Variants in PTPRD observed in about 807,000 individuals in gnomAD.
PTPRD encodes the protein receptor-type tyrosine-protein phosphatase delta.
PTPRD carries 34 observed loss-of-function variants against 214.5 expected under a neutral mutation model. That is an observed-to-expected ratio of 0.16 (90% CI 0.12 to 0.21). PTPRD has a LOEUF of 0.21. PTPRD is among the 10% of genes least tolerant of loss of function. The probability of loss-of-function intolerance (pLI) is 1.00; values close to 1 mark genes in which losing one functional copy is unlikely to be tolerated. For missense variants in PTPRD, 2,545 were observed against 2,398.7 expected (o/e 1.06, Z -1.27); for synonymous variants, 1,128 against 845.7 (o/e 1.33, Z -5.79).
chr9:9,911,023 G>C lies in PTPRD; in HGVS notation c.-368+27484C>G, dbSNP rs2079034751. ...TGTTTCATATCTGGATTTGTCTTTT[G>C]GCTAACTCCTTACAGTTGATAGTTT... On this transcript the variant is annotated intron_variant, in intron 5 of 45. Transcript: ENST00000381196. Among the ~76,000 whole-genome samples, 3 of 151,962 alleles carry C rather than the reference G, an allele frequency of 2.0e-5. No homozygotes were observed. The South Asian group carries it at 6.2e-4, about 32-fold the overall frequency.
intron 2 of PTPRD, among the ~76,000 whole-genome samples, chr9:10,574,927 C>A (rs908893150): frequency 2.0e-5 from 3 of 151,224 alleles, no homozygotes; most frequent in Non-Finnish European, 4.4e-5. Flanking sequence ...AGAAGACTTT[C>A]TAAAAGTATT....
chr9:9,931,277 C>G (rs2086415617), intron 5 of PTPRD, among the ~76,000 whole-genome samples: 1 of 152,176 alleles, frequency 6.6e-6, no homozygotes, highest in Non-Finnish European at 1.5e-5. Context: ...GTGAGCGACG[C>G]AGAAGACAGG....
Position 9,199,557 on chromosome 9 carries a change from G to C in PTPRD, c.-202-16194C>G, listed in dbSNP as rs192463252. Among the ~76,000 whole-genome samples, 126 of 152,218 alleles carry C rather than the reference G, an allele frequency of 8.3e-4. 1 individual carries two copies. The highest frequency in any genetic ancestry group is 1.2e-3 in the Admixed American group (19 of 15,262). ...ATATAAATGGTGAGAACTGATAAAA[G>C]TGTTATAAAGGAAACCAAGATCAAT... On this transcript the variant is annotated intron_variant, in intron 9 of 45. Coordinates refer to ENST00000381196, the MANE Select transcript of PTPRD (RefSeq NM_002839.4).
intron 4 of PTPRD, among the ~76,000 whole-genome samples, chr9:9,999,708 A>G (rs895695109): frequency 1.3e-5 from 2 of 152,222 alleles, no homozygotes; most frequent in African/African-American, 4.8e-5. Flanking sequence ...TTGCCTCATT[A>G]TACTTAGAGC....
At chr9:10,442,056 CACTA>C (rs1246299894) in intron 2 of PTPRD, among the ~76,000 whole-genome samples, 1 of 151,554 alleles carries the variant, frequency 6.6e-6, no homozygotes, top group Non-Finnish European at 1.5e-5. Context: ...CTTACATAAT[CACTA>C]ACTATAGCTG....
At chr9:9,046,729 G>A (rs1363621686) in intron 10 of PTPRD, among the ~76,000 whole-genome samples, 1 of 152,082 alleles carries the variant, frequency 6.6e-6, no homozygotes, top group Non-Finnish European at 1.5e-5. Flanking sequence ...TTGTATTTGG[G>A]AAAGCAACCA....
At chr9:9,844,250 T>C (rs983186483) in intron 5 of PTPRD, among the ~76,000 whole-genome samples, 1 of 152,028 alleles carries the variant, frequency 6.6e-6, no homozygotes, top group Non-Finnish European at 1.5e-5. Flanking sequence ...ACACACACTT[T>C]CTGTAATAAT....
chr9:9,883,487 T>C (rs1275595648), intron 5 of PTPRD, among the ~76,000 whole-genome samples: 1 of 152,126 alleles, frequency 6.6e-6, no homozygotes, highest in African/African-American at 2.4e-5. Flanking sequence ...AATCAGGGGA[T>C]ACTAAATGTG....
intron 2 of PTPRD, among the ~76,000 whole-genome samples, chr9:10,487,730 A>G (rs566620304): frequency 6.6e-6 from 1 of 152,054 alleles, no homozygotes; most frequent in South Asian, 2.1e-4. Context: ...GAGGGAACTT[A>G]GAGGACAAAT....
chr9:8,344,555 A>G (rs1292740336), intron 39 of PTPRD, among the ~76,000 whole-genome samples: 1 of 151,930 alleles, frequency 6.6e-6, no homozygotes, highest in Non-Finnish European at 1.5e-5. Context: ...CTTGAACAAA[A>G]CCTATTTTTT....
At chr9:9,940,550 C>G (rs774910351) in intron 4 of PTPRD, among the ~76,000 whole-genome samples, 2 of 152,116 alleles carry the variant, frequency 1.3e-5, no homozygotes, top group Non-Finnish European at 2.9e-5. Flanking sequence ...TTTTATAAAT[C>G]TTGATATCAT....
intron 3 of PTPRD, among the ~76,000 whole-genome samples, chr9:10,157,133 C>T (rs183124582): frequency 1.3e-5 from 2 of 152,250 alleles, no homozygotes; most frequent in African/African-American, 2.4e-5. Flanking sequence ...CATCTACATT[C>T]AAGTTTAGTA....
intron 3 of PTPRD, among the ~76,000 whole-genome samples, chr9:10,230,106 G>A (rs2099603606): frequency 6.6e-6 from 1 of 151,930 alleles, no homozygotes; most frequent in Non-Finnish European, 1.5e-5. Context: ...CTTTTAAGGT[G>A]AGGATAGTCA....
chr9:10,522,455 T>C (rs1161544522), intron 2 of PTPRD, among the ~76,000 whole-genome samples: 1 of 152,150 alleles, frequency 6.6e-6, no homozygotes, highest in Non-Finnish European at 1.5e-5. Flanking sequence ...TCTCACCACA[T>C]GGTGTAATTT....
rs1589609656 is a variant in PTPRD, at chr9:8,404,668, A to C, written c.4087-8T>G. ...CTGGCCAGGGTCAATTGACTTTAAA[A>C]GGAAAACAACACATATACACAAAAT... On this transcript the variant is annotated splice_polypyrimidine_tract_variant and splice_region_variant and intron_variant, in intron 35 of 45. Coordinates refer to ENST00000381196, the MANE Select transcript of PTPRD (RefSeq NM_002839.4). The C allele has an allele frequency of 5.6e-6, 9 of 1,607,560 alleles. No individual in the cohort carries two copies. In the East Asian group the frequency reaches 1.8e-4, roughly 32 times the overall value.
At chr9:9,563,989 T>G (rs2083639094) in intron 8 of PTPRD, among the ~76,000 whole-genome samples, 1 of 152,140 alleles carries the variant, frequency 6.6e-6, no homozygotes, top group Non-Finnish European at 1.5e-5. Context: ...CATGTTGGCC[T>G]AGGTTCAACT....
At chr9:10,091,455 T>C (rs1167386766) in intron 3 of PTPRD, among the ~76,000 whole-genome samples, 3 of 151,566 alleles carry the variant, frequency 2.0e-5, no homozygotes, top group African/African-American at 7.3e-5. Context: ...TAGAGTTATA[T>C]GTCAAAAATA....
intron 2 of PTPRD, among the ~76,000 whole-genome samples, chr9:10,465,041 G>A (rs1300644925): frequency 6.6e-6 from 1 of 152,028 alleles, no homozygotes; most frequent in African/African-American, 2.4e-5. Context: ...TTAAAAGACA[G>A]AGCAAATAAA....
intron 14 of PTPRD, among the ~76,000 whole-genome samples, chr9:8,590,342 G>A (rs545114684): frequency 5.8e-4 from 88 of 152,170 alleles, no homozygotes; most frequent in African/African-American, 1.2e-3. Context: ...AGTTAATTAC[G>A]TCTTCCAAGG....
Sources: allele counts gnomAD v4.1 joint callset (sites outside exome capture counted in the v4.1 genomes callset), GRCh38; gene constraint gnomAD v4.1.1; transcripts MANE v1.5; gene names NCBI Gene and HGNC (gene_info 2026-07-23, HGNC 2026-07-21).